The following C6orf58 variants were observed in gnomAD, a reference collection of about 807,000 sequenced individuals.
The protein encoded by C6orf58 is chromosome 6 open reading frame 58.
In C6orf58, 30 loss-of-function variants were observed where a neutral mutation model predicts 37.0. That is an observed-to-expected ratio of 0.81 (90% CI 0.61 to 1.10). The LOEUF is 1.10. Among genes scored for constraint, C6orf58 ranks in the 50% least tolerant of loss-of-function variants. C6orf58 has a pLI of 0.00. For synonymous variants in C6orf58, 143 were observed against 134.1 expected, an observed-to-expected ratio of 1.07 and a Z score of -0.46; for missense variants, 368 against 387.5, an observed-to-expected ratio of 0.95 and a Z score of 0.42.
chr6:127,577,515 T>C, intron 1 of C6orf58, 29 bp downstream of exon 1: 1 of 1,597,674 alleles, frequency 6.3e-7, no homozygotes, highest in Non-Finnish European at 8.6e-7. Context: ...TTCATTGTAA[T>C]GATCTACCGA....
chr6:127,580,983 T>C (rs914492110), intron 3 of C6orf58, among the ~76,000 whole-genome samples, 199 bp from the exon 4 acceptor site: 1 of 152,070 alleles, frequency 6.6e-6, no homozygotes, highest in East Asian at 1.9e-4. Flanking sequence ...TAGATGCATA[T>C]GCTATTATTA....
chr6:127,580,691 C>T (rs1466383953), intron 3 of C6orf58, among the ~76,000 whole-genome samples: 2 of 152,002 alleles, frequency 1.3e-5, no homozygotes, highest in East Asian at 3.9e-4. Context: ...AAATGGTGAG[C>T]ATACAGGATA....
In C6orf58 at chr6:127,580,317, T is replaced by A; in HGVS notation, c.441T>A (p.Gly147=). 6.2e-7 allele frequency: 1 copy of A among 1,613,124 alleles called. No individual in the cohort carries two copies. Among genetic ancestry groups the A allele is most frequent in the Non-Finnish European group, 8.5e-7 (1 of 1,179,328 alleles). Residue 147 remains glycine (G), a synonymous_variant, in exon 3 of 6, where the codon GGT becomes GGA. Coordinates refer to ENST00000329722, the MANE Select transcript of C6orf58 (RefSeq NM_001010905.3). ...CCTTTCTTGCTGCGGTTGATTCTGG[T>A]GTAATGGGGATATCATCAGACCAAG... ...SLPFLAAVDS[G]VMGISSDQVR...
intron 2 of C6orf58, 117 bp from the exon 3 acceptor site, chr6:127,580,148 T>G: frequency 1.4e-6 from 1 of 690,756 alleles, no homozygotes; most frequent in Non-Finnish European, 2.4e-6. Context: ...TCCTAATGGT[T>G]AGCTTTTATA....
chr6:127,582,031 C>A (rs994249983), intron 4 of C6orf58, among the ~76,000 whole-genome samples: 8 of 152,282 alleles, frequency 5.3e-5, no homozygotes, highest in Non-Finnish European at 1.0e-4. Context: ...AATTCCCCAC[C>A]TTTTGGTCTG....
chr6:127,589,209 A>G (rs1321749030), intron 4 of C6orf58, among the ~76,000 whole-genome samples: 1 of 152,204 alleles, frequency 6.6e-6, no homozygotes. Context: ...ATGGGAATAT[A>G]GAAGAGAAGA....
chr6:127,589,769 C>T (rs1775141924), intron 4 of C6orf58, among the ~76,000 whole-genome samples: 1 of 152,052 alleles, frequency 6.6e-6, no homozygotes, highest in South Asian at 2.1e-4. Flanking sequence ...TCTACATTGG[C>T]AAAGAGTATG....
chr6:127,589,520 A>G (rs866617715), intron 4 of C6orf58, among the ~76,000 whole-genome samples: 27 of 152,178 alleles, frequency 1.8e-4, no homozygotes, highest in African/African-American at 6.5e-4. Context: ...TATTATGGGG[A>G]CAAATAGTTA....
At chr6:127,578,901 C>A (rs1204984390) in intron 2 of C6orf58, 129 bp downstream of exon 2, 2 of 673,954 alleles carry the variant, frequency 3.0e-6, no homozygotes, top group South Asian at 2.0e-5. Context: ...TCTATTTCAC[C>A]GTGTACCTTA....
At chr6:127,580,606 T>G (rs924460788) in intron 3 of C6orf58, among the ~76,000 whole-genome samples, 157 bp downstream of exon 3, 1 of 152,060 alleles carries the variant, frequency 6.6e-6, no homozygotes, top group Admixed American at 6.6e-5. Flanking sequence ...GTGTTATGAG[T>G]CATTAACACC....
intron 3 of C6orf58, among the ~76,000 whole-genome samples, chr6:127,580,705 T>C (rs1221205765): frequency 1.3e-5 from 2 of 152,106 alleles, no homozygotes; most frequent in Non-Finnish European, 2.9e-5. Context: ...CAGGATATTT[T>C]GCTGAATGAT....
chr6:127,580,046 A>G (rs192235919), intron 2 of C6orf58, among the ~76,000 whole-genome samples: 1 of 152,204 alleles, frequency 6.6e-6, no homozygotes, highest in Non-Finnish European at 1.5e-5. Flanking sequence ...TTTAGCCAAT[A>G]TGTTATATAT....
chr6:127,583,420 A>C (rs1210502927), intron 4 of C6orf58, among the ~76,000 whole-genome samples: 1 of 151,840 alleles, frequency 6.6e-6, no homozygotes, highest in African/African-American at 2.4e-5. Context: ...AAAAAGGAAA[A>C]GGAGAAAAGA....
rs1775034816 is a variant in C6orf58, at chr6:127,580,292, C to A, written c.416C>A (p.Pro139His). ...ADLNYFLSSLPFLAAVDSGVM... is the reference protein window; with the variant it reads ...ADLNYFLSSLHFLAAVDSGVM... Reference sequence around the variant, plus strand: ...TTGAATTATTTTCTGTCTTCATTACCCTTTCTTGCTGCGGTTGATTCTGGT... The same window carrying A: ...TTGAATTATTTTCTGTCTTCATTACACTTTCTTGCTGCGGTTGATTCTGGT... The change falls in exon 3 of 6, where the codon CCC (proline) becomes CAC (histidine). Residue 139 changes from proline to histidine, a missense_variant. Pro to His is a moderately conservative substitution (Grantham distance 77, BLOSUM62 -2). Coordinates refer to ENST00000329722, the MANE Select transcript of C6orf58 (RefSeq NM_001010905.3). The A allele has an allele frequency of 3.7e-6, 6 of 1,610,472 alleles. No homozygotes were observed. The highest frequency in any genetic ancestry group is 2.7e-5 in the African/African-American group (2 of 74,824).
intron 5 of C6orf58, among the ~76,000 whole-genome samples, chr6:127,590,991 A>G: frequency 6.6e-6 from 1 of 152,190 alleles, no homozygotes; most frequent in Non-Finnish European, 1.5e-5. Context: ...ACATGAATAA[A>G]TTAAACCTAT....
intron 4 of C6orf58, among the ~76,000 whole-genome samples, chr6:127,589,329 G>A (rs1208863681): frequency 2.0e-5 from 3 of 152,186 alleles, no homozygotes; most frequent in East Asian, 3.9e-4. Context: ...CACATGGTGA[G>A]TACACAATGT....
chr6:127,588,919 C>A (rs1427616242), intron 4 of C6orf58, among the ~76,000 whole-genome samples: 1 of 152,094 alleles, frequency 6.6e-6, no homozygotes, highest in African/African-American at 2.4e-5. Context: ...GAATCCCGAC[C>A]AAACACTTCT....
chr6:127,587,251 TA>T (rs1775116802), intron 4 of C6orf58, among the ~76,000 whole-genome samples: 1 of 152,280 alleles, frequency 6.6e-6, no homozygotes, highest in South Asian at 2.1e-4. Flanking sequence ...GCATTTTTAC[TA>T]AAAAACTCTT....
chr6:127,590,677 T>C (rs987681807), intron 5 of C6orf58, among the ~76,000 whole-genome samples: 1 of 152,122 alleles, frequency 6.6e-6, no homozygotes, highest in African/African-American at 2.4e-5. Flanking sequence ...TTTGCTCTTA[T>C]ATTTAAAGAA....
Sources: gnomAD v4.1 joint callset for allele counts (sites outside exome capture counted in the v4.1 genomes callset) on GRCh38, gnomAD v4.1.1 for gene constraint, MANE v1.5 for transcripts, NCBI Gene and HGNC (gene_info 2026-07-23, HGNC 2026-07-21) for gene names.